AJAP1: variants seen among roughly 807,000 people sequenced by gnomAD.
The protein encoded by AJAP1 is adherens junctions associated protein 1.
A neutral mutation model predicts 35.0 loss-of-function variants in AJAP1; 5 were observed. The observed-to-expected ratio is 0.14, with a 90% confidence interval of 0.07 to 0.30. The LOEUF is 0.30. Among genes scored for constraint, AJAP1 ranks in the 10% least tolerant of loss-of-function variants. The probability of loss-of-function intolerance (pLI) is 1.00; values close to 1 mark genes in which losing one functional copy is unlikely to be tolerated. For synonymous variants in AJAP1, 284 were observed against 249.3 expected, an observed-to-expected ratio of 1.14 and a Z score of -1.31; for missense variants, 586 against 571.0, an observed-to-expected ratio of 1.03 and a Z score of -0.27.
Position 4,734,299 on chromosome 1 carries a change from A to G in AJAP1, c.829+21600A>G, listed in dbSNP as rs993806242. 3.3e-5 allele frequency among the ~76,000 whole-genome samples: 5 copies of G among 152,188 alleles called. No individual in the cohort carries two copies. Among genetic ancestry groups the G allele is most frequent in the African/African-American group, 1.2e-4 (5 of 41,458 alleles). On this transcript the variant is annotated intron_variant, in intron 2 of 5. Transcript: ENST00000378191. This position sits in a 1 kb window ranked among gnomAD's most constrained non-coding sequence, Gnocchi z 4.3. The stretch of plus-strand genomic sequence containing the variant: ...CCTCACTATTAACAGCGCTGCGTCC[A>G]TACTGGGAGCCAGGTTCTGACAGCT...
intron 1 of AJAP1, among the ~76,000 whole-genome samples, chr1:4,663,374 T>G (rs1639045637): frequency 6.6e-6 from 1 of 151,742 alleles, no homozygotes. Context: ...TGGTGGGTGT[T>G]AGATGCTGCC....
chr1:4,672,931 G>A lies in AJAP1; in HGVS notation c.29+17477G>A, dbSNP rs547344242. On this transcript the variant is annotated intron_variant, in intron 1 of 5. Coordinates refer to ENST00000378191, the MANE Select transcript of AJAP1 (RefSeq NM_018836.4). Reference sequence around the variant, plus strand: ...AGGAGATAGAGATGAGGGCAGGAGGGTGAGGGTGGTGGCCTGAGAGATCTG... The same window carrying A: ...AGGAGATAGAGATGAGGGCAGGAGGATGAGGGTGGTGGCCTGAGAGATCTG... Among the ~76,000 whole-genome samples, 35 of 152,332 alleles carry A rather than the reference G, an allele frequency of 2.3e-4. No individual in the cohort carries two copies. The South Asian group carries it at 6.4e-3, about 28-fold the overall frequency.
At chr1:4,780,633 C>CTTTTTTTTTT (rs35738488) in intron 5 of AJAP1, among the ~76,000 whole-genome samples, 7 of 131,450 alleles carry the variant, frequency 5.3e-5, no homozygotes, top group South Asian at 2.5e-4. Context: ...TTCTTTCTTT[C>CTTTTTTTTTT]TTTTTTTTTT....
intron 2 of AJAP1, among the ~76,000 whole-genome samples, chr1:4,740,362 A>C (rs1368900502): frequency 2.1e-5 from 2 of 94,986 alleles, no homozygotes; most frequent in Non-Finnish European, 4.3e-5. Context: ...GGCCTGGGGG[A>C]GGGGGATGGG....
intron 2 of AJAP1, among the ~76,000 whole-genome samples, chr1:4,748,273 C>G (rs1195640102): frequency 6.6e-6 from 1 of 152,180 alleles, no homozygotes; most frequent in Admixed American, 6.5e-5. Context: ...GTGTGGGGTG[C>G]ATCACGTGCG....
At chr1:4,744,395 G>C (rs1292821481) in intron 2 of AJAP1, among the ~76,000 whole-genome samples, 1 of 152,202 alleles carries the variant, frequency 6.6e-6, no homozygotes, top group Non-Finnish European at 1.5e-5. Context: ...AATCAGCAGA[G>C]CAATTATTAA....
At chr1:4,714,749 G>T (rs1400221360) in intron 2 of AJAP1, among the ~76,000 whole-genome samples, 1 of 152,152 alleles carries the variant, frequency 6.6e-6, no homozygotes, top group African/African-American at 2.4e-5. Flanking sequence ...CGCAATGCTG[G>T]GCCACAGGGA....
intron 2 of AJAP1, among the ~76,000 whole-genome samples, chr1:4,759,728 G>A (rs1024950891): frequency 6.6e-6 from 1 of 152,214 alleles, no homozygotes; most frequent in Non-Finnish European, 1.5e-5. Context: ...TTTGGAGGGG[G>A]AGCCTTGCCA....
chr1:4,707,942 T>G (rs1340180048), intron 1 of AJAP1, among the ~76,000 whole-genome samples: 1 of 149,440 alleles, frequency 6.7e-6, no homozygotes, highest in Non-Finnish European at 1.5e-5. Flanking sequence ...GCTCTCTCTG[T>G]GGGTGTGATG....
At chr1:4,699,084 G>A (rs1299445009) in intron 1 of AJAP1, among the ~76,000 whole-genome samples, 1 of 152,176 alleles carries the variant, frequency 6.6e-6, no homozygotes, top group Non-Finnish European at 1.5e-5. Flanking sequence ...CTCCTAACAA[G>A]GGTAGCATCT....
At position 4,712,012 on chromosome 1, in the gene AJAP1, C is replaced by T. The variant is rs1395321041; in HGVS notation, c.142C>T (p.Pro48Ser). ...LPACEALGPGPEFWLLPRSPP... is the reference protein window; with the variant it reads ...LPACEALGPGSEFWLLPRSPP... ...CGCCTGTGAGGCCCTGGGCCCGGGGCCGGAGTTCTGGCTCCTGCCGCGGTC... is the reference window on the plus strand; with the variant it reads ...CGCCTGTGAGGCCCTGGGCCCGGGGTCGGAGTTCTGGCTCCTGCCGCGGTC... The change falls in exon 2 of 6, where the codon CCG becomes TCG. Residue 48 changes from proline to serine, a missense_variant. Transcript: ENST00000378191. 4.4e-6 allele frequency: 7 copies of T among 1,595,638 alleles called. No individual in the cohort carries two copies. The highest frequency in any genetic ancestry group is 1.4e-5 in the African/African-American group (1 of 72,624).
chr1:4,772,321 G>T lies in AJAP1; in HGVS notation c.959G>T (p.Arg320Leu), dbSNP rs373393328. 1.2e-6 allele frequency: 2 copies of T among 1,614,150 alleles called. No individual in the cohort carries two copies. The highest frequency in any genetic ancestry group is 4.5e-5 in the East Asian group (2 of 44,870). ...AACACTCGTCGGAACAGCCACCAGC[G>T]GAAGACCAACCAGCAGGAGGAGAGC... ...SGNTRRNSHQ[R>L]KTNQQEESCQ... The change falls in exon 4 of 6, where the codon CGG (arginine) becomes CTG (leucine). Residue 320 changes from arginine to leucine, a missense_variant. Transcript: ENST00000378191.
intron 2 of AJAP1, among the ~76,000 whole-genome samples, chr1:4,717,177 G>A (rs567513396): frequency 2.6e-5 from 4 of 152,352 alleles, no homozygotes; most frequent in African/African-American, 9.6e-5. Context: ...CTTAAAACGT[G>A]TAAAGGAAAC....
At chr1:4,676,090 G>C (rs1232491100) in intron 1 of AJAP1, among the ~76,000 whole-genome samples, 1 of 152,112 alleles carries the variant, frequency 6.6e-6, no homozygotes, top group African/African-American at 2.4e-5. Flanking sequence ...CCTCTTTCCT[G>C]GTTCCTGGAT....
chr1:4,710,455 A>C (rs1026095366), intron 1 of AJAP1, among the ~76,000 whole-genome samples: 4 of 125,388 alleles, frequency 3.2e-5, no homozygotes, highest in Admixed American at 1.5e-4. Context: ...ACCCAGTCAC[A>C]CACGTACACA....
intron 1 of AJAP1, among the ~76,000 whole-genome samples, chr1:4,694,783 G>C (rs923532464): frequency 2.0e-5 from 3 of 152,210 alleles, no homozygotes; most frequent in Non-Finnish European, 4.4e-5. Flanking sequence ...CCGGGGAGCC[G>C]AGCATGGGTA....
At chr1:4,716,254 T>C (rs1476683883) in intron 2 of AJAP1, among the ~76,000 whole-genome samples, 1 of 152,212 alleles carries the variant, frequency 6.6e-6, no homozygotes, top group African/African-American at 2.4e-5. Context: ...GAAATCTTTT[T>C]GAGTTTCAGG....
chr1:4,716,365 G>C (rs529788103), intron 2 of AJAP1, among the ~76,000 whole-genome samples: 5 of 152,168 alleles, frequency 3.3e-5, no homozygotes, highest in Non-Finnish European at 7.3e-5. Flanking sequence ...TGTGCCAGTG[G>C]GTATGATAGA....
rs998527231 is a variant in AJAP1 at position 4,734,240 on chromosome 1, G to A, written c.829+21541G>A. 7.9e-5 allele frequency among the ~76,000 whole-genome samples: 12 copies of A among 152,160 alleles called. No individual in the cohort carries two copies. The highest frequency in any genetic ancestry group is 2.4e-4 in the African/African-American group (10 of 41,438). On this transcript the variant is annotated intron_variant, in intron 2 of 5. Transcript: ENST00000378191. This position sits in a 1 kb window ranked among gnomAD's most constrained non-coding sequence, Gnocchi z 4.3. ...GAAAGGAGTGCCTCAGCTGAGCCCC[G>A]GAATAGGAAGGGCCTGCCCTACTGA...
Sources: allele counts gnomAD v4.1 joint callset (sites outside exome capture counted in the v4.1 genomes callset), GRCh38; gene constraint gnomAD v4.1.1; non-coding constraint Gnocchi (gnomAD v3.1); transcripts MANE v1.5; gene names NCBI Gene and HGNC (gene_info 2026-07-23, HGNC 2026-07-21).